The following PLPPR5 variants were observed in gnomAD, a reference collection of about 807,000 sequenced individuals.
PLPPR5 encodes phospholipid phosphatase related 5.
A neutral mutation model predicts 33.9 loss-of-function variants in PLPPR5; 16 were observed. The ratio of observed to expected loss-of-function variants is 0.47; its 90% CI spans 0.32 to 0.72. The LOEUF is 0.72. Among genes scored for constraint, PLPPR5 ranks in the 30% least tolerant of loss-of-function variants. The probability of loss-of-function intolerance (pLI) is 0.03; values close to 1 mark genes in which losing one functional copy is unlikely to be tolerated. For missense variants in PLPPR5, 301 were observed against 406.7 expected, an observed-to-expected ratio of 0.74 and a Z score of 2.23; for synonymous variants, 163 against 150.3, an observed-to-expected ratio of 1.08 and a Z score of -0.62.
At chr1:98,901,703 C>T (rs998237887) in intron 5 of PLPPR5, among the ~76,000 whole-genome samples, 4 of 151,998 alleles carry the variant, frequency 2.6e-5, no homozygotes, top group Non-Finnish European at 1.5e-5. Flanking sequence ...TCCATTGTTG[C>T]AGAGAACATA....
At chr1:98,938,303 G>T (rs996509349) in intron 3 of PLPPR5, among the ~76,000 whole-genome samples, 1 of 151,480 alleles carries the variant, frequency 6.6e-6, no homozygotes, top group Non-Finnish European at 1.5e-5. Context: ...TGAATGCAAA[G>T]TATAGTATTT....
chr1:99,004,521 G>C lies in PLPPR5; in HGVS notation c.151C>G (p.Arg51Gly). The change falls in exon 1 of 6, where the codon CGC becomes GGC. Residue 51 changes from arginine (R) to glycine (G), a missense_variant. Coordinates refer to ENST00000263177, the MANE Select transcript of PLPPR5 (RefSeq NM_001037317.2). The part of the protein sequence containing the change: ...QGFFCHDSAY[R>G]KPYPGPEDSS... ...TCCTCCGGGCCCGGGTAGGGTTTGC[G>C]GTAGGCGCTGTCGTGGCAGAAGAAG... The C allele has an allele frequency of 6.2e-7, 1 of 1,613,240 alleles. No homozygotes were observed. The highest frequency in any genetic ancestry group is 1.3e-5 in the African/African-American group (1 of 75,044).
intron 4 of PLPPR5, among the ~76,000 whole-genome samples, chr1:98,918,178 T>C (rs1350043008): frequency 1.3e-5 from 2 of 152,200 alleles, no homozygotes; most frequent in Admixed American, 1.3e-4. Context: ...GTTAAGTGCA[T>C]GGGCTTTGGG....
Position 98,933,482 on chromosome 1 carries a change from CA to C in PLPPR5, c.622-11425del, listed in dbSNP as rs66504258. Among the ~76,000 whole-genome samples, 517 of 89,302 alleles carry C rather than the reference CA, an allele frequency of 5.8e-3. 3 individuals carry two copies. Among genetic ancestry groups the C allele is most frequent in the African/African-American group, 0.013 (310 of 24,566 alleles). 58.6% of individuals were successfully genotyped at this position (89,302 alleles called of 152,430 possible). On this transcript the variant is annotated intron_variant, in intron 3 of 5. Transcript: ENST00000263177. ...TGGGCGACAGAGTGAGACTCCGTCTCAAAAAAAAAAAAAAAAAAGGATTTCA... is the reference window on the plus strand; with the variant it reads ...TGGGCGACAGAGTGAGACTCCGTCTCAAAAAAAAAAAAAAAAAGGATTTCA...
At chr1:98,964,888 C>T (rs900991058) in intron 1 of PLPPR5, among the ~76,000 whole-genome samples, 7 of 152,134 alleles carry the variant, frequency 4.6e-5, no homozygotes, top group African/African-American at 1.2e-4. Flanking sequence ...ACTGCAGCCT[C>T]GACCTCCTGG....
At chr1:98,900,888 A>G (rs1344382844) in intron 5 of PLPPR5, among the ~76,000 whole-genome samples, 2 of 152,174 alleles carry the variant, frequency 1.3e-5, no homozygotes, top group African/African-American at 2.4e-5. Flanking sequence ...ATTCAAAATC[A>G]TAAGGGCCAT....
intron 1 of PLPPR5, among the ~76,000 whole-genome samples, chr1:98,962,427 A>C (rs1199087027): frequency 6.6e-6 from 1 of 152,126 alleles, no homozygotes; most frequent in Non-Finnish European, 1.5e-5. Context: ...CTTCTAACTG[A>C]ATCTCCATCA....
At chr1:98,959,265 T>TC (rs1403867193) in intron 1 of PLPPR5, among the ~76,000 whole-genome samples, 1 of 152,178 alleles carries the variant, frequency 6.6e-6, no homozygotes, top group Non-Finnish European at 1.5e-5. Context: ...GGGCCACTTT[T>TC]CCCGGGGCTC....
intron 5 of PLPPR5, among the ~76,000 whole-genome samples, chr1:98,899,666 T>G (rs924921779): frequency 6.6e-6 from 1 of 150,746 alleles, no homozygotes; most frequent in East Asian, 1.9e-4. Context: ...TTGTTTTTTT[T>G]TTTTTTTTTT....
chr1:98,953,355 TTGTGTGTGTGTGTGTGTG>T (rs58092870), intron 2 of PLPPR5, 35 bp from the exon 3 acceptor site: 8 of 1,378,002 alleles, frequency 5.8e-6, no homozygotes, highest in Admixed American at 4.2e-5. Context: ...AACTTCTTGC[TTGTGTGTGTGTGTGTGTG>T]TGTGTGTGTG....
intron 3 of PLPPR5, among the ~76,000 whole-genome samples, chr1:98,944,021 T>C (rs2101196506): frequency 6.6e-6 from 1 of 152,288 alleles, no homozygotes; most frequent in Non-Finnish European, 1.5e-5. Context: ...AGTTTGGATG[T>C]CCCCCAGTTT....
At chr1:98,934,719 T>C (rs1650113687) in intron 3 of PLPPR5, among the ~76,000 whole-genome samples, 1 of 152,080 alleles carries the variant, frequency 6.6e-6, no homozygotes, top group African/African-American at 2.4e-5. Context: ...CAACAGTTTC[T>C]TCTAAGTCTC....
Position 98,892,895 on chromosome 1 carries a change from C to T in PLPPR5, c.*177G>A. ...CACAGAAAAAAAAAGACAATCCTGC[C>T]CTCGAGGAGCTCACAGTCTAGTGGG... On this transcript the variant is annotated 3_prime_UTR_variant, in exon 6 of 6. Coordinates refer to ENST00000263177, the MANE Select transcript of PLPPR5 (RefSeq NM_001037317.2). The T allele has an allele frequency of 1.6e-6, 1 of 616,084 alleles. No homozygotes were observed. The highest frequency in any genetic ancestry group is 2.8e-6 in the Non-Finnish European group (1 of 358,898). 38.2% of individuals were successfully genotyped at this position (616,084 alleles called of 1,614,324 possible).
chr1:98,917,194 A>C (rs949856478), intron 4 of PLPPR5, among the ~76,000 whole-genome samples: 3 of 152,106 alleles, frequency 2.0e-5, no homozygotes, highest in African/African-American at 7.2e-5. Flanking sequence ...AAGGCTAAAA[A>C]CTTGAATTAA....
intron 3 of PLPPR5, among the ~76,000 whole-genome samples, chr1:98,937,322 T>G (rs1242569467): frequency 6.6e-6 from 1 of 152,240 alleles, no homozygotes; most frequent in Non-Finnish European, 1.5e-5. Flanking sequence ...TAACAGTCTC[T>G]AACCCCTTGC....
intron 1 of PLPPR5, among the ~76,000 whole-genome samples, chr1:98,976,903 A>G (rs1483478406): frequency 2.0e-5 from 3 of 151,940 alleles, no homozygotes; most frequent in African/African-American, 7.2e-5. Context: ...TTCTCTTCTC[A>G]TGTCCCCTGG....
chr1:98,957,847 G>A (rs1014221099), intron 1 of PLPPR5, among the ~76,000 whole-genome samples: 4 of 152,256 alleles, frequency 2.6e-5, no homozygotes, highest in Non-Finnish European at 4.4e-5. Context: ...CAGATGCTTT[G>A]CTCTACTCTG....
intron 3 of PLPPR5, among the ~76,000 whole-genome samples, chr1:98,935,538 A>G (rs939737479): frequency 2.0e-5 from 3 of 152,206 alleles, no homozygotes; most frequent in East Asian, 1.9e-4. Flanking sequence ...ACCCAATAAG[A>G]AAACTTTAAT....
At chr1:98,970,081 T>C (rs1373623218) in intron 1 of PLPPR5, among the ~76,000 whole-genome samples, 3 of 152,044 alleles carry the variant, frequency 2.0e-5, no homozygotes, top group Non-Finnish European at 2.9e-5. Context: ...AGAACAAATG[T>C]CTTTTAAGGC....
Sources: gnomAD v4.1 joint callset for allele counts (sites outside exome capture counted in the v4.1 genomes callset) on GRCh38, gnomAD v4.1.1 for gene constraint, MANE v1.5 for transcripts, NCBI Gene and HGNC (gene_info 2026-07-23, HGNC 2026-07-21) for gene names.